The following DPP10 variants were observed in gnomAD, a reference collection of about 807,000 sequenced individuals.
DPP10 encodes inactive dipeptidyl peptidase 10.
Under a neutral mutation model 120.9 loss-of-function variants are expected in DPP10, and 33 were observed. That is an observed-to-expected ratio of 0.27 (90% CI 0.21 to 0.37). DPP10 has a LOEUF of 0.37. Among genes scored for constraint, DPP10 ranks in the 10% least tolerant of loss-of-function variants. The pLI, the probability that DPP10 is intolerant of heterozygous loss-of-function variation, is 1.00. For synonymous variants in DPP10, 337 were observed against 326.1 expected (o/e 1.03, Z -0.36); for missense variants, 816 against 942.8 (o/e 0.87, Z 1.76).
intron 1 of DPP10, among the ~76,000 whole-genome samples, chr2:114,589,036 T>C (rs1691232863): frequency 9.5e-6 from 1 of 105,694 alleles, no homozygotes; most frequent in African/African-American, 3.6e-5. Flanking sequence ...AAAGGTTTTT[T>C]TGGGGGGGGG....
intron 1 of DPP10, among the ~76,000 whole-genome samples, chr2:115,262,256 T>C (rs780084983): frequency 6.6e-6 from 1 of 152,154 alleles, no homozygotes; most frequent in Non-Finnish European, 1.5e-5. Context: ...TCTGAGAAAT[T>C]TGGTGTAACA....
intron 1 of DPP10, among the ~76,000 whole-genome samples, chr2:115,247,712 G>T (rs907475244): frequency 6.6e-6 from 1 of 152,074 alleles, no homozygotes; most frequent in African/African-American, 2.4e-5. Flanking sequence ...ATTAAAGAAT[G>T]CATGGAGGTA....
intron 1 of DPP10, among the ~76,000 whole-genome samples, chr2:114,739,955 C>G (rs1292528623): frequency 6.6e-6 from 1 of 152,140 alleles, no homozygotes. Flanking sequence ...GTTGCAATTC[C>G]TCTGGGATCT....
At chr2:115,502,413 A>T (rs987838) in intron 4 of DPP10, among the ~76,000 whole-genome samples, 1 of 152,146 alleles carries the variant, frequency 6.6e-6, no homozygotes, top group Non-Finnish European at 1.5e-5. Flanking sequence ...AGCCTCAAAA[A>T]TGCTCTTTAT....
intron 1 of DPP10, among the ~76,000 whole-genome samples, chr2:115,032,458 G>T (rs1188919426): frequency 6.6e-6 from 1 of 151,922 alleles, no homozygotes; most frequent in Non-Finnish European, 1.5e-5. Flanking sequence ...AGAATACAAA[G>T]AAAGATATTT....
At chr2:115,175,921 A>G (rs960073416) in intron 1 of DPP10, among the ~76,000 whole-genome samples, 1 of 152,222 alleles carries the variant, frequency 6.6e-6, no homozygotes, top group Non-Finnish European at 1.5e-5. Context: ...TCACTTGGGG[A>G]TATTGCTGAA....
At chr2:115,810,551 A>G (rs1471728473) in intron 19 of DPP10, among the ~76,000 whole-genome samples, 16 of 152,098 alleles carry the variant, frequency 1.1e-4, no homozygotes. Flanking sequence ...TCATCCATAC[A>G]GACACATTCA....
chr2:115,286,325 T>C (rs1453222822), intron 1 of DPP10, among the ~76,000 whole-genome samples: 1 of 150,908 alleles, frequency 6.6e-6, no homozygotes, highest in Non-Finnish European at 1.5e-5. Flanking sequence ...AAAACTGATG[T>C]TATTTGTAAA....
intron 1 of DPP10, among the ~76,000 whole-genome samples, chr2:115,163,903 A>G (rs1559168933): frequency 6.6e-6 from 1 of 152,038 alleles, no homozygotes; most frequent in Non-Finnish European, 1.5e-5. Flanking sequence ...CTGTCTATAC[A>G]CAACAAATCC....
intron 3 of DPP10, among the ~76,000 whole-genome samples, chr2:115,381,320 T>G (rs560758726): frequency 4.5e-4 from 68 of 152,174 alleles, no homozygotes; most frequent in African/African-American, 1.5e-3. Context: ...CCATCACTAA[T>G]ACCCTTTCTT....
chr2:115,489,228 T>C (rs192833514), intron 3 of DPP10, among the ~76,000 whole-genome samples: 3 of 152,138 alleles, frequency 2.0e-5, no homozygotes, highest in African/African-American at 7.2e-5. Flanking sequence ...TAAATAGATG[T>C]AGCTGTGTTC....
chr2:115,529,453 G>T (rs1048059181), intron 5 of DPP10, among the ~76,000 whole-genome samples: 1 of 67,458 alleles, frequency 1.5e-5, no homozygotes, highest in Non-Finnish European at 3.1e-5. Context: ...ATGCCTGGTG[G>T]CAAAAGTTTT....
intron 5 of DPP10, among the ~76,000 whole-genome samples, chr2:115,543,366 G>A (rs1575139019): frequency 6.6e-6 from 1 of 152,120 alleles, no homozygotes; most frequent in East Asian, 1.9e-4. Context: ...CAAAGCTCAG[G>A]ACATCAAAGT....
intron 3 of DPP10, among the ~76,000 whole-genome samples, chr2:115,347,149 G>A (rs2063750471): frequency 6.6e-6 from 1 of 152,120 alleles, no homozygotes; most frequent in African/African-American, 2.4e-5. Flanking sequence ...AGAATCAAAG[G>A]CCTAGGGAAA....
chr2:115,278,367 C>G (rs576972662), intron 1 of DPP10, among the ~76,000 whole-genome samples: 9 of 152,270 alleles, frequency 5.9e-5, no homozygotes, highest in East Asian at 3.9e-4. Context: ...GGAATAGTTA[C>G]TGATTTCACC....
At chr2:114,566,638 T>C (rs371908999) in intron 1 of DPP10, among the ~76,000 whole-genome samples, 1 of 152,226 alleles carries the variant, frequency 6.6e-6, no homozygotes, top group Non-Finnish European at 1.5e-5. Flanking sequence ...TCTGATTGAA[T>C]GCTATTTCCG....
chr2:115,311,593 A>G lies in DPP10; in HGVS notation c.175+2240A>G, dbSNP rs529008758. ...AATTGTGGAGTTCTCACCACATTCT[A>G]GGTGCTGTTGTAGTTGGCCCTGCAC... On this transcript the variant is annotated intron_variant, in intron 2 of 25. Transcript: ENST00000410059. Among the ~76,000 whole-genome samples, 12 of 152,258 alleles carry G rather than the reference A, an allele frequency of 7.9e-5. No individual in the cohort carries two copies. The South Asian group carries it at 1.2e-3, about 16-fold the overall frequency.
chr2:114,793,093 C>T (rs1683391255), intron 1 of DPP10, among the ~76,000 whole-genome samples: 1 of 151,892 alleles, frequency 6.6e-6, no homozygotes, highest in Non-Finnish European at 1.5e-5. Context: ...GTAGAAGCCC[C>T]TCCAAGGCAG....
intron 1 of DPP10, among the ~76,000 whole-genome samples, chr2:114,976,879 A>T (rs1358920017): frequency 1.3e-5 from 2 of 151,888 alleles, no homozygotes; most frequent in Non-Finnish European, 2.9e-5. Flanking sequence ...TGGATTTTCT[A>T]CTTGGAGAGC....
Sources: gnomAD v4.1 joint callset for allele counts (sites outside exome capture counted in the v4.1 genomes callset) on GRCh38, gnomAD v4.1.1 for gene constraint, MANE v1.5 for transcripts, NCBI Gene and HGNC (gene_info 2026-07-23, HGNC 2026-07-21) for gene names.